TNR: variants seen among roughly 807,000 people sequenced by gnomAD.
The protein encoded by TNR is tenascin-R.
TNR carries 45 observed loss-of-function variants against 150.4 expected under a neutral mutation model. That is an observed-to-expected ratio of 0.30 (90% CI 0.24 to 0.38). TNR has a LOEUF of 0.38. Among genes scored for constraint, TNR ranks in the 10% least tolerant of loss-of-function variants. The pLI is 1.00. For missense variants in TNR, 1,544 were observed against 1,759.1 expected (o/e 0.88, Z 2.19); for synonymous variants, 687 against 678.4 (o/e 1.01, Z -0.20).
chr1:175,497,339 G>T (rs1015468495), intron 2 of TNR, among the ~76,000 whole-genome samples: 13 of 152,160 alleles, frequency 8.5e-5, no homozygotes, highest in African/African-American at 3.1e-4. Flanking sequence ...TACAGCAAAT[G>T]TCATTAATTT....
chr1:175,618,126 C>T (rs1663840528), intron 1 of TNR, among the ~76,000 whole-genome samples: 1 of 152,208 alleles, frequency 6.6e-6, no homozygotes, highest in Non-Finnish European at 1.5e-5. Context: ...CCTGCATTCA[C>T]CCAATTTATA....
At chr1:175,480,497 C>T (rs1571500496) in intron 2 of TNR, among the ~76,000 whole-genome samples, 2 of 150,692 alleles carry the variant, frequency 1.3e-5, no homozygotes, top group African/African-American at 4.9e-5. Flanking sequence ...AGGTAGAGGT[C>T]GAGTTTGCCC....
chr1:175,322,274 A>T lies in TNR; in HGVS notation c.*1083T>A, dbSNP rs1307606859. 5 of 152,204 alleles carry T rather than the reference A, an allele frequency of 3.3e-5. No homozygotes were observed. The highest frequency in any genetic ancestry group is 1.2e-4 in the African/African-American group (5 of 41,432). 9.4% of individuals were successfully genotyped at this position (152,204 alleles called of 1,614,324 possible). A position where few individuals can be genotyped will look rare whatever the true frequency, so the allele number is the denominator to read the frequency against. On this transcript the variant is annotated 3_prime_UTR_variant, in exon 23 of 23. Transcript: ENST00000367674. ...GCTGATGACTCACAGGCACATAGCCACTGTGCCACCCAGGGCCAGGAGCAG... is the reference window on the plus strand; with the variant it reads ...GCTGATGACTCACAGGCACATAGCCTCTGTGCCACCCAGGGCCAGGAGCAG...
intron 18 of TNR, among the ~76,000 whole-genome samples, chr1:175,339,090 G>A (rs1650390379): frequency 6.6e-6 from 1 of 152,162 alleles, no homozygotes; most frequent in Non-Finnish European, 1.5e-5. Context: ...AACTTGAGAG[G>A]ACAGCAGATT....
At chr1:175,473,462 T>C (rs1028638638) in intron 2 of TNR, among the ~76,000 whole-genome samples, 6 of 152,204 alleles carry the variant, frequency 3.9e-5, no homozygotes, top group African/African-American at 1.4e-4. Flanking sequence ...TGAATTGTTG[T>C]TCCTAAGAAA....
chr1:175,420,140 C>T (rs1654687049), intron 2 of TNR, among the ~76,000 whole-genome samples: 1 of 152,190 alleles, frequency 6.6e-6, no homozygotes, highest in South Asian at 2.1e-4. Context: ...TTGGTAGCCT[C>T]TCACCCACAT....
Position 175,366,068 on chromosome 1 carries a change from C to A in TNR, c.2124G>T (p.Lys708Asn). 1 of 1,613,982 alleles carries A rather than the reference C, an allele frequency of 6.2e-7. No individual in the cohort carries two copies. Among genetic ancestry groups the A allele is most frequent in the Non-Finnish European group, 8.5e-7 (1 of 1,179,946 alleles). ...SETSISLIWT[K>N]ASGPIDHYRI... ...GGTAGTGGTCAATGGGGCCACTGGC[C>A]TTGGTCCAGATGAGGGAGATGGAGG... Residue 708 changes from lysine to asparagine, a missense_variant, in exon 11 of 23, where the codon AAG (lysine) becomes AAT (asparagine). Physicochemically the swap from Lys to Asn is moderately conservative, Grantham distance 94. Coordinates refer to ENST00000367674, the MANE Select transcript of TNR (RefSeq NM_003285.3).
At chr1:175,682,285 C>T (rs577561169) in intron 1 of TNR, among the ~76,000 whole-genome samples, 12 of 152,236 alleles carry the variant, frequency 7.9e-5, no homozygotes, top group South Asian at 4.1e-4. Flanking sequence ...TGAGCTTCCC[C>T]GGGCCCAGGT....
At chr1:175,663,186 C>T (rs757044379) in intron 1 of TNR, among the ~76,000 whole-genome samples, 5 of 152,194 alleles carry the variant, frequency 3.3e-5, no homozygotes, top group Non-Finnish European at 7.3e-5. Flanking sequence ...CAAGCCGCCA[C>T]GCTGGCGGGG....
chr1:175,566,240 C>T (rs1558009593), intron 1 of TNR, among the ~76,000 whole-genome samples: 2 of 152,238 alleles, frequency 1.3e-5, no homozygotes, highest in Admixed American at 6.5e-5. Flanking sequence ...TTTCCCCTGG[C>T]TGCCAGCCTT....
intron 2 of TNR, among the ~76,000 whole-genome samples, chr1:175,456,667 G>C (rs975330590): frequency 6.6e-6 from 1 of 152,068 alleles, no homozygotes; most frequent in Admixed American, 6.5e-5. Context: ...AAACATCCTA[G>C]AGCCATGTCT....
chr1:175,601,232 G>T (rs1437906743), intron 1 of TNR, among the ~76,000 whole-genome samples: 1 of 152,208 alleles, frequency 6.6e-6, no homozygotes, highest in Non-Finnish European at 1.5e-5. Flanking sequence ...CTCTGCAGCG[G>T]GTAGAGTTTG....
At chr1:175,476,797 A>G (rs1657559969) in intron 2 of TNR, among the ~76,000 whole-genome samples, 1 of 152,176 alleles carries the variant, frequency 6.6e-6, no homozygotes, top group Non-Finnish European at 1.5e-5. Flanking sequence ...AGAACCCTAA[A>G]TGGTGACCCT....
At chr1:175,452,397 C>G (rs1171972506) in intron 2 of TNR, among the ~76,000 whole-genome samples, 3 of 152,258 alleles carry the variant, frequency 2.0e-5, no homozygotes, top group African/African-American at 4.8e-5. Context: ...GAAACAGGGC[C>G]TGGGGACTGC....
intron 2 of TNR, among the ~76,000 whole-genome samples, chr1:175,447,768 C>G (rs1656129435): frequency 1.3e-5 from 2 of 152,188 alleles, no homozygotes; most frequent in African/African-American, 4.8e-5. Flanking sequence ...AAGGCCTTAG[C>G]TCCGTGTGGT....
intron 1 of TNR, among the ~76,000 whole-genome samples, chr1:175,688,516 C>T (rs1008590401): frequency 6.6e-6 from 1 of 152,170 alleles, no homozygotes; most frequent in African/African-American, 2.4e-5. Flanking sequence ...CTGTTGCAGA[C>T]CCCAAATGCC....
At chr1:175,536,136 T>C (rs1046977312) in intron 1 of TNR, among the ~76,000 whole-genome samples, 2 of 152,258 alleles carry the variant, frequency 1.3e-5, no homozygotes, top group African/African-American at 2.4e-5. Flanking sequence ...TGTTTTTTAA[T>C]ATTTTGATAG....
chr1:175,480,404 AAAAGAAAGAAAGAAAAAAGAAAG>A (rs1170018454), intron 2 of TNR, among the ~76,000 whole-genome samples: 5 of 120,744 alleles, frequency 4.1e-5, no homozygotes, highest in East Asian at 2.2e-4. Context: ...AAAGAAAGAA[AAAAGAAAGAAAGAAAAAAGAAAG>A]AAAGAAAGAA....
chr1:175,711,496 G>A (rs867260229), intron 1 of TNR, among the ~76,000 whole-genome samples: 5 of 152,182 alleles, frequency 3.3e-5, no homozygotes, highest in Non-Finnish European at 4.4e-5. Context: ...AGCAGCACCC[G>A]GATTGCCCCA....
Sources: allele counts gnomAD v4.1 joint callset (sites outside exome capture counted in the v4.1 genomes callset), GRCh38; gene constraint gnomAD v4.1.1; transcripts MANE v1.5; gene names NCBI Gene and HGNC (gene_info 2026-07-23, HGNC 2026-07-21).